Variants in PIGF observed in about 807,000 individuals in gnomAD.
The protein encoded by PIGF is GPI ethanolamine phosphate transferase, stabilizing subunit.
A neutral mutation model predicts 26.0 loss-of-function variants in PIGF; 23 were observed. The observed-to-expected ratio is 0.88, with a 90% CI of 0.64 to 1.25. The LOEUF (loss-of-function observed/expected upper bound fraction) is 1.25, where lower values mean the gene tolerates loss of function less well. Among genes scored for constraint, PIGF ranks in the 50% most tolerant of loss-of-function variants. The probability of loss-of-function intolerance (pLI) is 0.00; values close to 1 mark genes in which losing one functional copy is unlikely to be tolerated. For missense variants in PIGF, 278 were observed against 249.9 expected (o/e 1.11, Z -0.76); for synonymous variants, 93 against 92.6 (o/e 1.00, Z -0.03).
intron 4 of PIGF, among the ~76,000 whole-genome samples, chr2:46,607,486 T>C (rs1482947407): frequency 1.3e-5 from 2 of 152,218 alleles, no homozygotes; most frequent in African/African-American, 4.8e-5. Context: ...CATATAAAAG[T>C]TATATTTCTA....
chr2:46,584,509 C>T (rs915718981), intron 5 of PIGF, among the ~76,000 whole-genome samples: 2 of 152,154 alleles, frequency 1.3e-5, no homozygotes, highest in Non-Finnish European at 1.5e-5. Context: ...CATACCACCA[C>T]GCACATTCTT....
At chr2:46,595,854 T>A (rs1026247949) in intron 4 of PIGF, among the ~76,000 whole-genome samples, 3 of 152,116 alleles carry the variant, frequency 2.0e-5, no homozygotes, top group Non-Finnish European at 4.4e-5. Context: ...AGAAAATTCT[T>A]AAATATCAAA....
chr2:46,592,659 A>G, intron 4 of PIGF, 76 bp from the exon 5 acceptor site: 1 of 744,642 alleles, frequency 1.3e-6, no homozygotes, highest in Admixed American at 1.9e-5. Context: ...ACTAGCACAC[A>G]TTATCAGTAT....
At chr2:46,604,476 T>C (rs943755034) in intron 4 of PIGF, among the ~76,000 whole-genome samples, 42 of 150,602 alleles carry the variant, frequency 2.8e-4, no homozygotes, top group African/African-American at 1.0e-3. Context: ...AACAGACTAA[T>C]GGATTAAAAA....
chr2:46,605,646 T>C (rs1040331787), intron 4 of PIGF, among the ~76,000 whole-genome samples: 1 of 152,152 alleles, frequency 6.6e-6, no homozygotes, highest in African/African-American at 2.4e-5. Flanking sequence ...TAAGATCACT[T>C]GGCCGCTAAG....
In PIGF at chr2:46,597,614, G is replaced by T. The variant is rs1253608864; in HGVS notation, c.438-5031C>A. On this transcript the variant is annotated intron_variant, in intron 4 of 5. Coordinates refer to ENST00000281382, the MANE Select transcript of PIGF (RefSeq NM_002643.4). ...TTTAGTAGAGATGGGGTTTCACCTT[G>T]TTGGCCAGGCTGGTCTCGAACTCCT... Among the ~76,000 whole-genome samples the T allele has an allele frequency of 3.9e-5, 6 of 152,124 alleles. No homozygotes were observed. The East Asian group carries it at 9.7e-4, about 24-fold the overall frequency.
intron 4 of PIGF, among the ~76,000 whole-genome samples, chr2:46,610,739 A>G (rs376182010): frequency 6.6e-6 from 1 of 152,104 alleles, no homozygotes; most frequent in African/African-American, 2.4e-5. Flanking sequence ...CATGTTGGCC[A>G]GGCTGGTCTT....
At chr2:46,583,895 A>C (rs1045722401) in intron 5 of PIGF, among the ~76,000 whole-genome samples, 2 of 152,212 alleles carry the variant, frequency 1.3e-5, no homozygotes, top group Non-Finnish European at 2.9e-5. Context: ...TTGCATATAG[A>C]GAATTAGTTC....
chr2:46,609,789 T>C (rs1408028188), intron 4 of PIGF, among the ~76,000 whole-genome samples: 1 of 152,154 alleles, frequency 6.6e-6, no homozygotes, highest in African/African-American at 2.4e-5. Flanking sequence ...GATCGTCATC[T>C]TATATGGGTA....
chr2:46,607,317 C>T (rs1194095219), intron 4 of PIGF, among the ~76,000 whole-genome samples: 1 of 152,130 alleles, frequency 6.6e-6, no homozygotes, highest in Non-Finnish European at 1.5e-5. Flanking sequence ...CAGAAGCAAA[C>T]CTTTACCAAG....
intron 5 of PIGF, chr2:46,583,062 T>C (rs1241801290): frequency 6.6e-6 from 1 of 152,178 alleles, no homozygotes; most frequent in African/African-American, 2.4e-5. Context: ...ATTAGCTGAG[T>C]TGTCCAACAC....
chr2:46,583,927 T>G (rs535551052), intron 5 of PIGF, among the ~76,000 whole-genome samples: 10 of 152,310 alleles, frequency 6.6e-5, no homozygotes, highest in Non-Finnish European at 1.3e-4. Context: ...AAAATAAATT[T>G]AGGGGCTCCC....
At position 46,604,241 on chromosome 2, in the gene PIGF, G is replaced by A. The variant is rs780563167; in HGVS notation, c.437+7987C>T. Among the ~76,000 whole-genome samples, 62 of 152,082 alleles carry A rather than the reference G, an allele frequency of 4.1e-4. No individual in the cohort carries two copies. In the Middle Eastern group the frequency reaches 0.014, roughly 33 times the overall value. ...AAATGCTGGCGAGGATGTGGAGAAA[G>A]GGAACTCTCACATACTGTTGGTGGG... On this transcript the variant is annotated intron_variant, in intron 4 of 5. Transcript: ENST00000281382.
chr2:46,586,461 A>C (rs1669575577), intron 5 of PIGF, among the ~76,000 whole-genome samples: 1 of 152,126 alleles, frequency 6.6e-6, no homozygotes, highest in East Asian at 1.9e-4. Flanking sequence ...ATTACTTATA[A>C]TTTTGGGGGA....
chr2:46,609,295 C>G (rs972043676), intron 4 of PIGF, among the ~76,000 whole-genome samples: 2 of 152,200 alleles, frequency 1.3e-5, no homozygotes, highest in South Asian at 4.1e-4. Context: ...TCAGCCTTCA[C>G]AGAAATGAAG....
At chr2:46,599,745 T>A (rs1313214514) in intron 4 of PIGF, among the ~76,000 whole-genome samples, 1 of 152,162 alleles carries the variant, frequency 6.6e-6, no homozygotes, top group African/African-American at 2.4e-5. Context: ...GTGTGGAGGT[T>A]TTTTTGTTTA....
intron 4 of PIGF, among the ~76,000 whole-genome samples, chr2:46,600,863 G>T (rs1468908018): frequency 6.6e-6 from 1 of 151,636 alleles, no homozygotes; most frequent in Non-Finnish European, 1.5e-5. Flanking sequence ...CACATTAGTG[G>T]GAAAAAAGTT....
At chr2:46,607,053 T>C (rs2104123326) in intron 4 of PIGF, among the ~76,000 whole-genome samples, 1 of 152,274 alleles carries the variant, frequency 6.6e-6, no homozygotes, top group African/African-American at 2.4e-5. Flanking sequence ...GATAGGCAAA[T>C]CTATAGAGAC....
chr2:46,611,768 T>C (rs183750608), intron 4 of PIGF, among the ~76,000 whole-genome samples: 515 of 152,240 alleles, frequency 3.4e-3, no homozygotes, highest in Non-Finnish European at 5.0e-3. Context: ...TGGTATCTTA[T>C]CACAAAAAAG....
Sources: allele counts gnomAD v4.1 joint callset (sites outside exome capture counted in the v4.1 genomes callset), GRCh38; gene constraint gnomAD v4.1.1; transcripts MANE v1.5; gene names NCBI Gene and HGNC (gene_info 2026-07-23, HGNC 2026-07-21).